Variants in CDH4 observed in about 807,000 individuals in gnomAD.
CDH4 encodes cadherin 4, also known as cadherin-4.
A neutral mutation model predicts 86.0 loss-of-function variants in CDH4; 33 were observed. The observed-to-expected ratio is 0.38, with a 90% CI of 0.29 to 0.51. The LOEUF (loss-of-function observed/expected upper bound fraction) is 0.51, where lower values mean the gene tolerates loss of function less well. Ranked by LOEUF, CDH4 falls within the 20% of genes least tolerant of loss-of-function variation. CDH4 has a pLI of 0.86. For missense variants in CDH4, 1,114 were observed against 1,307.4 expected (o/e 0.85, Z 2.28); for synonymous variants, 555 against 549.4 (o/e 1.01, Z -0.14).
chr20:61,726,482 C>T (rs1196956130), intron 2 of CDH4, among the ~76,000 whole-genome samples: 1 of 152,174 alleles, frequency 6.6e-6, no homozygotes, highest in Non-Finnish European at 1.5e-5. Context: ...AGCCTAAGGG[C>T]ATTGTGGGGA....
At chr20:61,463,961 A>G (rs1341952800) in intron 2 of CDH4, among the ~76,000 whole-genome samples, 1 of 152,188 alleles carries the variant, frequency 6.6e-6, no homozygotes, top group Non-Finnish European at 1.5e-5. Context: ...CCCCAGGGAA[A>G]TGACAAAGGA....
intron 2 of CDH4, among the ~76,000 whole-genome samples, chr20:61,259,130 C>T (rs925696256): frequency 4.6e-5 from 7 of 152,148 alleles, no homozygotes; most frequent in East Asian, 3.9e-4. Context: ...GTGCTGTACC[C>T]GAAGCAGAGT....
At chr20:61,264,399 A>G (rs1289575494) in intron 2 of CDH4, among the ~76,000 whole-genome samples, 1 of 151,594 alleles carries the variant, frequency 6.6e-6, no homozygotes, top group African/African-American at 2.4e-5. Context: ...CACATACCTC[A>G]GTGGCTCCTT....
At chr20:61,479,595 A>G (rs982625387) in intron 2 of CDH4, among the ~76,000 whole-genome samples, 1 of 152,232 alleles carries the variant, frequency 6.6e-6, no homozygotes, top group Non-Finnish European at 1.5e-5. Context: ...AATGTGGCAC[A>G]TATATACCAT....
At chr20:61,416,369 C>CTGTT (rs2085147332) in intron 2 of CDH4, among the ~76,000 whole-genome samples, 1 of 152,204 alleles carries the variant, frequency 6.6e-6, no homozygotes, top group South Asian at 2.1e-4. Flanking sequence ...TCCCCTCATT[C>CTGTT]ACGAGTGAAT....
At position 61,863,490 on chromosome 20, in the gene CDH4, G is replaced by A. The variant is rs570540427; in HGVS notation, c.878-10238G>A. On this transcript the variant is annotated intron_variant, in intron 6 of 15. Transcript: ENST00000614565. ...AGATGCCACTGGGTGACCGTTCCTC[G>A]GCAGAGGGCACAGGTGAGGGACTGC... 4.6e-5 allele frequency among the ~76,000 whole-genome samples: 7 copies of A among 152,332 alleles called. No individual in the cohort carries two copies. The South Asian group carries it at 6.2e-4, about 14-fold the overall frequency.
chr20:61,911,839 T>C (rs556114183), intron 9 of CDH4, among the ~76,000 whole-genome samples: 12 of 152,396 alleles, frequency 7.9e-5, no homozygotes, highest in African/African-American at 2.9e-4. Context: ...TGCCAAAGCG[T>C]AAGGAAAAGC....
At chr20:61,848,714 G>T (rs1248610717) in intron 5 of CDH4, among the ~76,000 whole-genome samples, 1 of 152,082 alleles carries the variant, frequency 6.6e-6, no homozygotes, top group Non-Finnish European at 1.5e-5. Context: ...TTTTAATAGA[G>T]ACAGGGTTTT....
intron 2 of CDH4, among the ~76,000 whole-genome samples, chr20:61,268,557 A>G (rs2084168624): frequency 6.6e-6 from 1 of 152,112 alleles, no homozygotes; most frequent in African/African-American, 2.4e-5. Flanking sequence ...CTCTTGTTGA[A>G]ATGTGATCCC....
intron 2 of CDH4, among the ~76,000 whole-genome samples, chr20:61,649,551 T>A (rs921135578): frequency 2.0e-5 from 3 of 152,150 alleles, no homozygotes; most frequent in African/African-American, 7.2e-5. Flanking sequence ...ATCTCTGCGG[T>A]GGAGACAGGG....
In CDH4 at chr20:61,937,205, G is replaced by C; in HGVS notation, c.*262G>C. ...GTCTTCACTTGAATTTCCTAGAACA[G>C]AAGCACTGTTTTTAAAAAAAAAAAA... On this transcript the variant is annotated 3_prime_UTR_variant, in exon 16 of 16. Transcript: ENST00000614565. 2 of 105,358 alleles carry C rather than the reference G, an allele frequency of 1.9e-5. No individual in the cohort carries two copies. Among genetic ancestry groups the C allele is most frequent in the Non-Finnish European group, 1.7e-5 (1 of 58,742 alleles). The allele number at this position is 105,358 out of a possible 1,614,324, so 6.5% of individuals were successfully genotyped here. A position where few individuals can be genotyped will look rare whatever the true frequency, so the allele number is the denominator to read the frequency against.
chr20:61,332,057 A>C (rs578213823), intron 2 of CDH4, among the ~76,000 whole-genome samples: 1 of 152,298 alleles, frequency 6.6e-6, no homozygotes, highest in East Asian at 1.9e-4. Context: ...GGTATCTCTG[A>C]GTGGACAGAG....
chr20:61,592,787 C>T (rs925046152), intron 2 of CDH4, among the ~76,000 whole-genome samples: 1 of 152,176 alleles, frequency 6.6e-6, no homozygotes, highest in Non-Finnish European at 1.5e-5. Context: ...CAGTGTCATT[C>T]GTACTCACTT....
rs908423445 is a variant in CDH4, at chr20:61,776,174, C to T, written c.576+2992C>T. Among the ~76,000 whole-genome samples, 4 of 152,204 alleles carry T rather than the reference C, an allele frequency of 2.6e-5. No individual in the cohort carries two copies. The East Asian group carries it at 5.8e-4, about 22-fold the overall frequency. On this transcript the variant is annotated intron_variant, in intron 4 of 15. Coordinates refer to ENST00000614565, the MANE Select transcript of CDH4 (RefSeq NM_001794.5). ...GACATCATCATGAGAGCCCACCTTA[C>T]GCCACATCTGAATGCCCTGATGGGG...
rs1568838393 is a variant in CDH4, at chr20:61,422,450, AAAAAAAAAAAAAAAAAACC to A, written c.169+167517_169+167535del. On this transcript the variant is annotated intron_variant, in intron 2 of 15. Coordinates refer to ENST00000614565, the MANE Select transcript of CDH4 (RefSeq NM_001794.5). ...AAAAAAAAAAAAAAAAAAAAAAAAA[AAAAAAAAAAAAAAAAAACC>A]AAATCTCCCCAAGTGTCTTCTTTAA... Among the ~76,000 whole-genome samples, 53 of 120,224 alleles carry A rather than the reference AAAAAAAAAAAAAAAAAACC, an allele frequency of 4.4e-4. 4 individuals are homozygous for A. The highest frequency in any genetic ancestry group is 1.6e-3 in the African/African-American group (45 of 28,528). The allele number at this position is 120,224 out of a possible 152,430, so 78.9% of individuals were successfully genotyped here. A position where few individuals can be genotyped will look rare whatever the true frequency, so the allele number is the denominator to read the frequency against.
intron 2 of CDH4, among the ~76,000 whole-genome samples, chr20:61,396,127 C>T (rs986640440): frequency 3.3e-5 from 5 of 152,140 alleles, no homozygotes; most frequent in East Asian, 1.9e-4. Flanking sequence ...ACAGCAGCAG[C>T]GTCGAGTAGT....
chr20:61,893,465 T>C (rs1984944676), intron 7 of CDH4, among the ~76,000 whole-genome samples: 1 of 86,956 alleles, frequency 1.2e-5, no homozygotes, highest in African/African-American at 4.5e-5. Context: ...GATAGACGGA[T>C]TGGCGGATGA....
intron 2 of CDH4, among the ~76,000 whole-genome samples, chr20:61,622,665 G>T (rs1223809307): frequency 6.6e-6 from 1 of 152,230 alleles, no homozygotes; most frequent in Non-Finnish European, 1.5e-5. Flanking sequence ...CACTGGAGTG[G>T]GGTTTCCTGA....
chr20:61,292,996 C>T (rs75554288), intron 2 of CDH4, among the ~76,000 whole-genome samples: 2,260 of 152,256 alleles, frequency 0.015, 80 homozygotes, highest in East Asian at 0.13. Context: ...GGGTCTGCGG[C>T]GACCTGCCTA....
Sources: gnomAD v4.1 joint callset for allele counts (sites outside exome capture counted in the v4.1 genomes callset) on GRCh38, gnomAD v4.1.1 for gene constraint, MANE v1.5 for transcripts, NCBI Gene and HGNC (gene_info 2026-07-23, HGNC 2026-07-21) for gene names.